Variants in IQGAP2 observed in about 807,000 individuals in gnomAD.
The protein encoded by IQGAP2 is ras GTPase-activating-like protein IQGAP2.
IQGAP2 carries 173 observed loss-of-function variants against 201.3 expected under a neutral mutation model. The observed-to-expected ratio is 0.86, with a 90% CI of 0.76 to 0.98. The LOEUF (loss-of-function observed/expected upper bound fraction) is 0.98, where lower values mean the gene tolerates loss of function less well. Ranked by LOEUF, IQGAP2 falls within the 50% of genes least tolerant of loss-of-function variation. The pLI is 0.00. For synonymous variants in IQGAP2, 675 were observed against 673.9 expected, an observed-to-expected ratio of 1.00 and a Z score of -0.03; for missense variants, 1,687 against 1,864.8, an observed-to-expected ratio of 0.90 and a Z score of 1.76.
At chr5:76,479,536 G>A (rs1225049830) in intron 2 of IQGAP2, among the ~76,000 whole-genome samples, 1 of 152,142 alleles carries the variant, frequency 6.6e-6, no homozygotes, top group Admixed American at 6.5e-5. Flanking sequence ...ATTTAGGGGA[G>A]CACGTGCCAT....
chr5:76,607,532 A>T (rs1178911917), intron 12 of IQGAP2: 2 of 152,180 alleles, frequency 1.3e-5, no homozygotes, highest in African/African-American at 4.8e-5. Context: ...TTGCCTCTGC[A>T]TTTCCTTTCA....
chr5:76,686,502 G>A (rs779026612), intron 30 of IQGAP2, among the ~76,000 whole-genome samples: 40 of 151,736 alleles, frequency 2.6e-4, no homozygotes, highest in Non-Finnish European at 4.9e-4. Flanking sequence ...ATTCTTTCTT[G>A]TTGTTATTGT....
rs763528830 is a variant in IQGAP2, at chr5:76,665,568, GA to G, written c.2679+399del. Among the ~76,000 whole-genome samples the G allele has an allele frequency of 4.6e-5, 7 of 152,122 alleles. No homozygotes were observed. In the East Asian group the frequency reaches 7.7e-4, roughly 17 times the overall value. ...AACAAAAACAGGTGCTGTCATCCAT[GA>G]AAAAATTAAAATAACTGTATGTGAA... On this transcript the variant is annotated intron_variant, in intron 22 of 35. Coordinates refer to ENST00000274364, the MANE Select transcript of IQGAP2 (RefSeq NM_006633.5).
chr5:76,429,311 A>G (rs1752196475), intron 1 of IQGAP2, among the ~76,000 whole-genome samples: 2 of 150,982 alleles, frequency 1.3e-5, no homozygotes, highest in Admixed American at 6.6e-5. Context: ...GGTGGCTCAC[A>G]CCTGTAATCC....
At chr5:76,507,494 G>A (rs10073517) in intron 2 of IQGAP2, among the ~76,000 whole-genome samples, 68,332 of 151,938 alleles carry the variant, frequency 0.45, 15,595 homozygotes, top group African/African-American at 0.5. Context: ...TTGACGTTAT[G>A]TACAATACCA....
In IQGAP2 at chr5:76,619,514, C is replaced by CT. The variant is rs773323091; in HGVS notation, c.1522-7874dup. Among the ~76,000 whole-genome samples, 147 of 104,232 alleles carry CT rather than the reference C, an allele frequency of 1.4e-3. 3 individuals are homozygous for CT. The highest frequency in any genetic ancestry group is 3.5e-3 in the East Asian group (14 of 4,002). The allele number at this position is 104,232 out of a possible 152,430, so 68.4% of individuals were successfully genotyped here. On this transcript the variant is annotated intron_variant, in intron 13 of 35. Coordinates refer to ENST00000274364, the MANE Select transcript of IQGAP2 (RefSeq NM_006633.5). ...CAGATCTAACTTAGTTAAGGATCTT[C>CT]TTTTTTTTTTTTTTTTTTTTTTGAG...
At chr5:76,453,064 C>T (rs978286784) in intron 1 of IQGAP2, among the ~76,000 whole-genome samples, 1 of 151,986 alleles carries the variant, frequency 6.6e-6, no homozygotes, top group African/African-American at 2.4e-5. Flanking sequence ...TACAGGCTTG[C>T]GCCACCATGC....
chr5:76,439,321 C>T (rs1037780817), intron 1 of IQGAP2, among the ~76,000 whole-genome samples: 3 of 152,086 alleles, frequency 2.0e-5, no homozygotes, highest in Non-Finnish European at 2.9e-5. Flanking sequence ...TTCTGCAGTT[C>T]TTGGGTAGAA....
intron 2 of IQGAP2, among the ~76,000 whole-genome samples, chr5:76,556,424 G>A (rs1392014436): frequency 6.6e-6 from 1 of 152,126 alleles, no homozygotes; most frequent in African/African-American, 2.4e-5. Context: ...CAGCTTGCTG[G>A]CTGCTCTTTG....
At chr5:76,558,543 T>C (rs560205445) in intron 2 of IQGAP2, among the ~76,000 whole-genome samples, 1 of 152,328 alleles carries the variant, frequency 6.6e-6, no homozygotes, top group South Asian at 2.1e-4. Context: ...TACTATTGAT[T>C]TCTTCTTTAC....
Position 76,496,749 on chromosome 5 carries a change from C to CTTTCTTTCT in IQGAP2, c.146+35083_146+35091dup, listed in dbSNP as rs1561416363. On this transcript the variant is annotated intron_variant, in intron 2 of 35. Coordinates refer to ENST00000274364, the MANE Select transcript of IQGAP2 (RefSeq NM_006633.5). ...CTTTTCTTTCTTTCTTTCTTTCTTT[C>CTTTCTTTCT]TTTCTTTCTTTCTTTCTTTCTTTCT... Among the ~76,000 whole-genome samples the CTTTCTTTCT allele has an allele frequency of 3.9e-3, 234 of 60,490 alleles. 11 individuals are homozygous for CTTTCTTTCT. The highest frequency in any genetic ancestry group is 0.017 in the East Asian group (42 of 2,418). The allele number at this position is 60,490 out of a possible 152,430, so 39.7% of individuals were successfully genotyped here.
At chr5:76,702,318 G>C (rs114417222) in intron 34 of IQGAP2, among the ~76,000 whole-genome samples, 164 bp from the exon 35 acceptor site, 5 of 152,314 alleles carry the variant, frequency 3.3e-5, no homozygotes, top group African/African-American at 1.2e-4. Context: ...TGTTTGGAGA[G>C]CAGAATTGGG....
chr5:76,618,184 C>T, intron 13 of IQGAP2: 1 of 1,614,162 alleles, frequency 6.2e-7, no homozygotes, highest in Non-Finnish European at 8.5e-7. Context: ...TACATGTTGC[C>T]ATAGAAGATG....
chr5:76,532,792 A>G (rs6886903), intron 2 of IQGAP2, among the ~76,000 whole-genome samples: 1 of 152,030 alleles, frequency 6.6e-6, no homozygotes, highest in Admixed American at 6.5e-5. Context: ...TCTTTGCCCC[A>G]ACACCCACAG....
At chr5:76,578,702 G>A (rs1745634484) in intron 5 of IQGAP2, among the ~76,000 whole-genome samples, 1 of 152,082 alleles carries the variant, frequency 6.6e-6, no homozygotes, top group Non-Finnish European at 1.5e-5. Flanking sequence ...GAAAATCCAG[G>A]AAGAATGTTA....
intron 5 of IQGAP2, among the ~76,000 whole-genome samples, chr5:76,583,836 C>G (rs940822318): frequency 1.3e-5 from 2 of 151,968 alleles, no homozygotes; most frequent in East Asian, 1.9e-4. Flanking sequence ...TTTGTGGTAG[C>G]CTAAGTACCT....
rs1401755167 is a variant in IQGAP2, at chr5:76,576,073, G to A, written c.458+304G>A. 3.4e-4 allele frequency among the ~76,000 whole-genome samples: 52 copies of A among 152,110 alleles called. 1 individual carries two copies. The highest frequency in any genetic ancestry group is 3.4e-3 in the Admixed American group (52 of 15,276). ...AAACTTCTAGAAATCCAATTGTAAT[G>A]TACTACTATATTCTTGAGTTATGAC... is the stretch of plus-strand genomic sequence containing the variant. On this transcript the variant is annotated intron_variant, in intron 5 of 35. Transcript: ENST00000274364.
chr5:76,613,273 C>T (rs1748572858), intron 13 of IQGAP2, among the ~76,000 whole-genome samples: 1 of 152,198 alleles, frequency 6.6e-6, no homozygotes, highest in South Asian at 2.1e-4. Flanking sequence ...TGGGCCTTCA[C>T]CTTGATGTTT....
At chr5:76,610,108 A>T (rs1404542049) in intron 12 of IQGAP2, among the ~76,000 whole-genome samples, 3 of 14,486 alleles carry the variant, frequency 2.1e-4, no homozygotes, top group Non-Finnish European at 3.7e-4. Flanking sequence ...ATATATATAT[A>T]TATATATTTT....
Sources: gnomAD v4.1 joint callset for allele counts (sites outside exome capture counted in the v4.1 genomes callset) on GRCh38, gnomAD v4.1.1 for gene constraint, MANE v1.5 for transcripts, NCBI Gene and HGNC (gene_info 2026-07-23, HGNC 2026-07-21) for gene names.